Variants in LOC128125817 observed in about 807,000 individuals in gnomAD.
At chr1:41,609,610 C>A in the LOC128125817 span, among the ~76,000 whole-genome samples, 3 of 152,248 alleles carry the variant, frequency 2.0e-5, no homozygotes, top group Non-Finnish European at 4.4e-5. Context: ...ATAATGACAC[C>A]CCTTTTTAAG....
chr1:41,591,375 G>T, the LOC128125817 span, among the ~76,000 whole-genome samples: 2 of 152,162 alleles, frequency 1.3e-5, no homozygotes, highest in African/African-American at 4.8e-5. Flanking sequence ...TGGTTCTTGA[G>T]TTGGGCAGAG....
chr1:41,589,971 C>T, the LOC128125817 span, among the ~76,000 whole-genome samples: 2 of 152,314 alleles, frequency 1.3e-5, no homozygotes, highest in East Asian at 1.9e-4. Flanking sequence ...GAAGAGGAGG[C>T]ACTCAGTAAA....
At chr1:41,625,307 A>T in the LOC128125817 span, among the ~76,000 whole-genome samples, 8 of 152,326 alleles carry the variant, frequency 5.3e-5, no homozygotes, top group South Asian at 1.7e-3. Context: ...GAGGTCAGCA[A>T]ACTTCTTCTG....
chr1:41,617,877 C>A, the LOC128125817 span, among the ~76,000 whole-genome samples: 1 of 114,522 alleles, frequency 8.7e-6, no homozygotes, highest in Non-Finnish European at 2.0e-5. Context: ...GGCTTCTAAG[C>A]ATCTTTTAGT....
chr1:41,608,917 CA>C, the LOC128125817 span, among the ~76,000 whole-genome samples: 6,681 of 123,472 alleles, frequency 0.054, 383 homozygotes, highest in African/African-American at 0.15. Flanking sequence ...CTAAAAATAC[CA>C]AAAAAAAAAA....
At chr1:41,617,230 A>C in the LOC128125817 span, among the ~76,000 whole-genome samples, 1 of 121,534 alleles carries the variant, frequency 8.2e-6, no homozygotes, top group East Asian at 2.5e-4. Context: ...CTTTATACAC[A>C]TATCTTTACA....
At chr1:41,628,529 C>T in the LOC128125817 span, among the ~76,000 whole-genome samples, 1 of 152,166 alleles carries the variant, frequency 6.6e-6, no homozygotes, top group African/African-American at 2.4e-5. Flanking sequence ...TGGGAGACAG[C>T]ATGGGAAGCA....
At chr1:41,619,897 C>A in the LOC128125817 span, among the ~76,000 whole-genome samples, 707 of 152,270 alleles carry the variant, frequency 4.6e-3, 2 homozygotes, top group Admixed American at 9.8e-3. Flanking sequence ...GCAGTGAGCA[C>A]CTAGGCATGG....
the LOC128125817 span, among the ~76,000 whole-genome samples, chr1:41,598,614 C>T: frequency 6.6e-6 from 1 of 152,162 alleles, no homozygotes; most frequent in Non-Finnish European, 1.5e-5. Context: ...CTTCATTTCT[C>T]CACTCAGTCT....
At chr1:41,615,815 C>CTTT in the LOC128125817 span, among the ~76,000 whole-genome samples, 108 of 47,018 alleles carry the variant, frequency 2.3e-3, 10 homozygotes, top group Admixed American at 6.5e-3. Flanking sequence ...TTTGACAAGT[C>CTTT]TTTTTTTTTT....
At chr1:41,585,973 C>A in the LOC128125817 span, among the ~76,000 whole-genome samples, 5 of 152,180 alleles carry the variant, frequency 3.3e-5, no homozygotes, top group Non-Finnish European at 5.9e-5. Context: ...CTAACCCGCA[C>A]CCCAGCCCAT....
the LOC128125817 span, chr1:41,628,725 T>C: frequency 4.1e-6 from 5 of 1,230,714 alleles, no homozygotes; most frequent in African/African-American, 7.8e-5. Flanking sequence ...GCAAGCATAT[T>C]CAGCAACAGC....
chr1:41,616,135 A>G, the LOC128125817 span, among the ~76,000 whole-genome samples: 1 of 152,000 alleles, frequency 6.6e-6, no homozygotes, highest in Non-Finnish European at 1.5e-5. Context: ...GGATCTGAGC[A>G]TCATTGTACC....
the LOC128125817 span, among the ~76,000 whole-genome samples, chr1:41,623,314 C>A: frequency 6.6e-6 from 1 of 152,188 alleles, no homozygotes; most frequent in Non-Finnish European, 1.5e-5. Context: ...AAGGCTGCCC[C>A]TCTCCAAGAT....
the LOC128125817 span, among the ~76,000 whole-genome samples, chr1:41,585,735 T>G: frequency 1.3e-5 from 2 of 152,168 alleles, no homozygotes; most frequent in East Asian, 3.8e-4. Flanking sequence ...TAACAAATCC[T>G]GCCTCGACTG....
chr1:41,617,913 C>T, the LOC128125817 span, among the ~76,000 whole-genome samples: 2 of 152,148 alleles, frequency 1.3e-5, no homozygotes. Flanking sequence ...ACAAAAGAGC[C>T]CTGGAGGGCA....
chr1:41,586,240 G>A, the LOC128125817 span, among the ~76,000 whole-genome samples: 2 of 152,216 alleles, frequency 1.3e-5, no homozygotes, highest in African/African-American at 2.4e-5. Context: ...CCAGCTGCAA[G>A]CAGGGCAGTC....
the LOC128125817 span, among the ~76,000 whole-genome samples, chr1:41,606,991 A>C: frequency 8.8e-5 from 13 of 148,184 alleles, no homozygotes; most frequent in African/African-American, 3.2e-4. Flanking sequence ...TTTTTTTTTT[A>C]TTTTTATTTT....
chr1:41,609,682 C>T, the LOC128125817 span, among the ~76,000 whole-genome samples: 1 of 152,266 alleles, frequency 6.6e-6, no homozygotes, highest in Admixed American at 6.5e-5. Context: ...TCACCTCTCT[C>T]ATTCCCTCCA....
Sources: allele counts gnomAD v4.1 joint callset (sites outside exome capture counted in the v4.1 genomes callset), GRCh38; gene constraint gnomAD v4.1.1; transcripts MANE v1.5.